LORICRIN: variants seen among roughly 807,000 people sequenced by gnomAD.
LORICRIN encodes loricrin cornified envelope precursor protein.
In LORICRIN, 5 loss-of-function variants were observed where a neutral mutation model predicts 3.3. That is an observed-to-expected ratio of 1.52 (90% CI 0.79 to 3.19). The LOEUF (loss-of-function observed/expected upper bound fraction) is 3.19, where lower values mean the gene tolerates loss of function less well. LORICRIN is among the 30% of genes most tolerant of loss of function. LORICRIN has a pLI of 0.00. For missense variants in LORICRIN, 524 were observed against 460.2 expected (o/e 1.14, Z -1.27); for synonymous variants, 237 against 231.4 (o/e 1.02, Z -0.22).
rs888685157 is a variant in LORICRIN, at chr1:153,261,573, C to T, written c.624C>T (p.Tyr208=). ...CCTCTGGCGGCAGCGGCTCCGGCTA[C>T]GTCTCCTCGCAGCAGGTCACTCAGA... ...GGSSGGSGSG[Y]VSSQQVTQTS... Residue 208 remains tyrosine, a synonymous_variant, in exon 2 of 2, where the codon TAC becomes TAT. Coordinates refer to ENST00000368742, the MANE Select transcript of LORICRIN (RefSeq NM_000427.3). The T allele has an allele frequency of 6.6e-6, 10 of 1,520,278 alleles. No homozygotes were observed. The highest frequency in any genetic ancestry group is 1.2e-5 in the South Asian group (1 of 82,728). 94.2% of individuals were successfully genotyped at this position (1,520,278 alleles called of 1,614,324 possible).
Position 153,261,267 on chromosome 1 carries a change from C to G in LORICRIN, c.318C>G (p.Ser106Arg), listed in dbSNP as rs1030423431. Reference protein sequence around the residue: ...SSGGGSGCFSSGGGGSGCFSS... With the variant: ...SSGGGSGCFSRGGGGSGCFSS... ...GCGGGGGCTCTGGCTGTTTCTCCAG[C>G]GGTGGGGGCGGCTCCGGCTGCTTCT... Residue 106 changes from serine to arginine, a missense_variant, in exon 2 of 2, where the codon AGC (serine) becomes AGG (arginine). Ser to Arg is a moderately radical substitution (Grantham distance 110, BLOSUM62 -1). Transcript: ENST00000368742. 3.5e-6 allele frequency: 5 copies of G among 1,418,032 alleles called. No homozygotes were observed. In the African/African-American group the frequency reaches 7.6e-5, roughly 22 times the overall value. The allele number at this position is 1,418,032 out of a possible 1,614,324, so 87.8% of individuals were successfully genotyped here.
rs769843541 is a variant in LORICRIN at position 153,261,568 on chromosome 1, G to A, written c.619G>A (p.Gly207Ser). 1.1e-5 allele frequency: 17 copies of A among 1,516,804 alleles called. No individual in the cohort carries two copies. In the South Asian group the frequency reaches 1.2e-4, roughly 11 times the overall value. The allele number at this position is 1,516,804 out of a possible 1,614,324, so 94.0% of individuals were successfully genotyped here. A position where few individuals can be genotyped will look rare whatever the true frequency, so the allele number is the denominator to read the frequency against. ...AGGCTCCTCTGGCGGCAGCGGCTCC[G>A]GCTACGTCTCCTCGCAGCAGGTCAC... ...GGGSSGGSGS[G>S]YVSSQQVTQT... The change falls in exon 2 of 2, where the codon GGC becomes AGC. Residue 207 changes from glycine (G) to serine (S), a missense_variant. Physicochemically the swap from Gly to Ser is moderately conservative, Grantham distance 56. Transcript: ENST00000368742.
intron 1 of LORICRIN, 64 bp from the exon 2 acceptor site, chr1:153,260,863 T>C: frequency 2.5e-6 from 3 of 1,197,570 alleles, no homozygotes; most frequent in Non-Finnish European, 3.6e-6. Flanking sequence ...TGCCTATGGA[T>C]GCAGCTGCCT....
Position 153,261,666 on chromosome 1 carries a change from C to A in LORICRIN, c.717C>A (p.Gly239=), listed in dbSNP as rs1557795977. 1 of 1,521,110 alleles carries A rather than the reference C, an allele frequency of 6.6e-7. No individual in the cohort carries two copies. The highest frequency in any genetic ancestry group is 8.7e-7 in the Non-Finnish European group (1 of 1,143,508). 94.2% of individuals were successfully genotyped at this position (1,521,110 alleles called of 1,614,324 possible). The change falls in exon 2 of 2, where the codon GGC becomes GGA. Residue 239 remains glycine (G), a synonymous_variant. Coordinates refer to ENST00000368742, the MANE Select transcript of LORICRIN (RefSeq NM_000427.3). ...SSGGGGSGGS[G]CFSSGGGGGS... The stretch of plus-strand genomic sequence containing the variant: ...GCGGCGGCGGCAGCGGCGGAAGCGG[C>A]TGCTTCTCCAGCGGCGGGGGCGGCG...
chr1:153,261,605 G>C lies in LORICRIN; in HGVS notation c.656G>C (p.Cys219Ser). The part of the protein sequence containing the change: ...VSSQQVTQTS[C>S]APQPSYGGGS... ...TCGCAGCAGGTCACTCAGACCTCGT[G>C]CGCGCCCCAGCCGAGTTACGGAGGG... Residue 219 changes from cysteine to serine, a missense_variant, in exon 2 of 2, where the codon TGC becomes TCC. Cys to Ser is a moderately radical substitution (Grantham distance 112, BLOSUM62 -1). Transcript: ENST00000368742. 5 of 1,519,272 alleles carry C rather than the reference G, an allele frequency of 3.3e-6. No homozygotes were observed. Among genetic ancestry groups the C allele is most frequent in the Non-Finnish European group, 4.4e-6 (5 of 1,141,710 alleles). The allele number at this position is 1,519,272 out of a possible 1,614,324, so 94.1% of individuals were successfully genotyped here.
At position 153,261,324 on chromosome 1, in the gene LORICRIN, C is replaced by T. The variant is rs1451770715; in HGVS notation, c.375C>T (p.Gly125=). ...GTGGCGGCGGCTCCTCCGGGGGCGG[C>T]TCCGGCTGCTTCTCCAGCGGTGGGG... ...SSGGGGSSGG[G]SGCFSSGGGG... Residue 125 remains glycine (G), a synonymous_variant, in exon 2 of 2, where the codon GGC becomes GGT. Coordinates refer to ENST00000368742, the MANE Select transcript of LORICRIN (RefSeq NM_000427.3). The T allele has an allele frequency of 5.4e-6, 8 of 1,468,640 alleles. No homozygotes were observed. The highest frequency in any genetic ancestry group is 7.2e-6 in the Non-Finnish European group (8 of 1,118,456). 91.0% of individuals were successfully genotyped at this position (1,468,640 alleles called of 1,614,324 possible). A position where few individuals can be genotyped will look rare whatever the true frequency, so the allele number is the denominator to read the frequency against.
At position 153,261,459 on chromosome 1, in the gene LORICRIN, C is replaced by T. The variant is rs111660507; in HGVS notation, c.510C>T (p.Ser170=). 2 of 1,506,498 alleles carry T rather than the reference C, an allele frequency of 1.3e-6. No individual in the cohort carries two copies. Among genetic ancestry groups the T allele is most frequent in the East Asian group, 2.6e-5 (1 of 37,990 alleles). The allele number at this position is 1,506,498 out of a possible 1,614,324, so 93.3% of individuals were successfully genotyped here. A position where few individuals can be genotyped will look rare whatever the true frequency, so the allele number is the denominator to read the frequency against. Residue 170 remains serine (S), a synonymous_variant, in exon 2 of 2, where the codon TCC becomes TCT. Coordinates refer to ENST00000368742, the MANE Select transcript of LORICRIN (RefSeq NM_000427.3). The stretch of plus-strand genomic sequence containing the variant: ...GAGGCGTCTCTAGCGGCGGCTCCTC[C>T]GGGGGCGGCTCCGGCTGCTTCTCCA... ...SYGGVSSGGS[S]GGGSGCFSSG...
intron 1 of LORICRIN, 131 bp from the exon 2 acceptor site, chr1:153,260,796 G>A: frequency 1.7e-6 from 1 of 580,968 alleles, no homozygotes; most frequent in Non-Finnish European, 3.0e-6. Flanking sequence ...GCAATCATAA[G>A]AAACCCCGCT....
rs73012562 is a variant in LORICRIN, at chr1:153,260,138, G to A, written c.-24+405G>A. Among the ~76,000 whole-genome samples the A allele has an allele frequency of 7.5e-3, 1,135 of 152,296 alleles. 15 individuals carry two copies. Among genetic ancestry groups the A allele is most frequent in the African/African-American group, 0.025 (1,044 of 41,564 alleles). On this transcript the variant is annotated intron_variant, in intron 1 of 1. Transcript: ENST00000368742. ...GGGAGAATGATCCAAAAAAGTTGCA[G>A]ATGGGAGGGATTTCAGGTGCCACAG...
At chr1:153,259,863 T>C (rs1440504720) in intron 1 of LORICRIN, 130 bp downstream of exon 1, 1 of 152,344 alleles carries the variant, frequency 6.6e-6, no homozygotes, top group Non-Finnish European at 1.5e-5. Flanking sequence ...AGCACTCACA[T>C]TTAGAGGGCG....
rs1658768998 is a variant in LORICRIN at position 153,261,153 on chromosome 1, C to T, written c.204C>T (p.Ser68=). Residue 68 remains serine (S), a synonymous_variant, in exon 2 of 2, where the codon TCC becomes TCT. Coordinates refer to ENST00000368742, the MANE Select transcript of LORICRIN (RefSeq NM_000427.3). The part of the protein sequence containing the change: ...GYSGGGCGGG[S]SGGGGGGGIG... Reference sequence around the variant, plus strand: ...CTGGCGGCGGCTGCGGCGGGGGCTCCTCCGGCGGCGGGGGCGGGGGCGGCA... The same window carrying T: ...CTGGCGGCGGCTGCGGCGGGGGCTCTTCCGGCGGCGGGGGCGGGGGCGGCA... 1 of 1,345,748 alleles carries T rather than the reference C, an allele frequency of 7.4e-7. No homozygotes were observed. The allele number at this position is 1,345,748 out of a possible 1,614,324, so 83.4% of individuals were successfully genotyped here. A position where few individuals can be genotyped will look rare whatever the true frequency, so the allele number is the denominator to read the frequency against.
chr1:153,261,934 A>G lies in LORICRIN; in HGVS notation c.*46A>G. ...GGCGAAGGAGTTGGAGGTGTTTTCC[A>G]GGGGCACCGATGGGCTTAGAGCTCT... On this transcript the variant is annotated 3_prime_UTR_variant, in exon 2 of 2. Coordinates refer to ENST00000368742, the MANE Select transcript of LORICRIN (RefSeq NM_000427.3). 1.3e-6 allele frequency: 2 copies of G among 1,575,788 alleles called. No individual in the cohort carries two copies. Among genetic ancestry groups the G allele is most frequent in the Non-Finnish European group, 1.7e-6 (2 of 1,154,930 alleles).
chr1:153,260,907 G>A lies in LORICRIN; in HGVS notation c.-23-20G>A, dbSNP rs1658750557. The A allele has an allele frequency of 6.6e-7, 1 of 1,510,338 alleles. No homozygotes were observed. Among genetic ancestry groups the A allele is most frequent in the Non-Finnish European group, 9.1e-7 (1 of 1,103,400 alleles). The allele number at this position is 1,510,338 out of a possible 1,614,324, so 93.6% of individuals were successfully genotyped here. A position where few individuals can be genotyped will look rare whatever the true frequency, so the allele number is the denominator to read the frequency against. ...ATCCTCTTGCAGCTGGTCCAGCGAT[G>A]CTCTCTTCTCCCCTTCCAGGCTCTC... On this transcript the variant is annotated intron_variant, in intron 1 of 1. Transcript: ENST00000368742.
rs1557795959 is a variant in LORICRIN, at chr1:153,261,650, G to A, written c.701G>A (p.Gly234Asp). Residue 234 changes from glycine to aspartate, a missense_variant, in exon 2 of 2, where the codon GGC (glycine) becomes GAC (aspartate). Physicochemically the swap from Gly to Asp is moderately conservative, Grantham distance 94 (BLOSUM62 -1). Coordinates refer to ENST00000368742, the MANE Select transcript of LORICRIN (RefSeq NM_000427.3). ...GGAGGGGGGTCGTCCGGCGGCGGCGGCAGCGGCGGAAGCGGCTGCTTCTCC... is the reference window on the plus strand; with the variant it reads ...GGAGGGGGGTCGTCCGGCGGCGGCGACAGCGGCGGAAGCGGCTGCTTCTCC... ...SYGGGSSGGG[G>D]SGGSGCFSSG... is the part of the protein sequence containing the mutation. 6.6e-7 allele frequency: 1 copy of A among 1,511,032 alleles called. No homozygotes were observed. 93.6% of individuals were successfully genotyped at this position (1,511,032 alleles called of 1,614,324 possible). A position where few individuals can be genotyped will look rare whatever the true frequency, so the allele number is the denominator to read the frequency against.
Position 153,262,050 on chromosome 1 carries a change from T to TA in LORICRIN, c.*162_*163insA, listed in dbSNP as rs1658822486. 1.2e-6 allele frequency: 1 copy of TA among 809,934 alleles called. No homozygotes were observed. The highest frequency in any genetic ancestry group is 1.6e-5 in the South Asian group (1 of 62,820). The allele number at this position is 809,934 out of a possible 1,614,324, so 50.2% of individuals were successfully genotyped here. A position where few individuals can be genotyped will look rare whatever the true frequency, so the allele number is the denominator to read the frequency against. On this transcript the variant is annotated 3_prime_UTR_variant, in exon 2 of 2. Transcript: ENST00000368742. Reference sequence around the variant, plus strand: ...CTCCGGCTGCATCTAGTTCTGCTGTTTAGCCTCTTTGGTTTCTGTACAACT... The same window carrying TA: ...CTCCGGCTGCATCTAGTTCTGCTGTTATAGCCTCTTTGGTTTCTGTACAACT...
In LORICRIN at chr1:153,262,029, G is replaced by A. The variant is rs1400561033; in HGVS notation, c.*141G>A. 27 of 911,064 alleles carry A rather than the reference G, an allele frequency of 3.0e-5. No individual in the cohort carries two copies. The highest frequency in any genetic ancestry group is 4.8e-5 in the Non-Finnish European group (27 of 566,402). The allele number at this position is 911,064 out of a possible 1,614,324, so 56.4% of individuals were successfully genotyped here. On this transcript the variant is annotated 3_prime_UTR_variant, in exon 2 of 2. Transcript: ENST00000368742. ...CCTGGAAGAAGCCATTGAGCTCTCCGGCTGCATCTAGTTCTGCTGTTTAGC... is the reference window on the plus strand; with the variant it reads ...CCTGGAAGAAGCCATTGAGCTCTCCAGCTGCATCTAGTTCTGCTGTTTAGC...
Position 153,261,791 on chromosome 1 carries a change from G to A in LORICRIN, c.842G>A (p.Gly281Asp). Residue 281 changes from glycine to aspartate, a missense_variant, in exon 2 of 2, where the codon GGC (glycine) becomes GAC (aspartate). Gly to Asp is a moderately conservative substitution (Grantham distance 94). Transcript: ENST00000368742. The part of the protein sequence containing the change: ...VCGGGSSGGG[G>D]GGSSVGGSGS... ...GGAGGTGGTTCCTCTGGAGGCGGCGGCGGCGGCTCCTCCGTGGGTGGCTCC... is the reference window on the plus strand; with the variant it reads ...GGAGGTGGTTCCTCTGGAGGCGGCGACGGCGGCTCCTCCGTGGGTGGCTCC... The A allele has an allele frequency of 6.2e-7, 1 of 1,606,648 alleles. No homozygotes were observed.
chr1:153,259,690 T>C lies in LORICRIN; in HGVS notation c.-67T>C, dbSNP rs557198303. The C allele has an allele frequency of 6.6e-6, 1 of 152,288 alleles. No individual in the cohort carries two copies. Among genetic ancestry groups the C allele is most frequent in the Non-Finnish European group, 1.5e-5 (1 of 68,118 alleles). 9.4% of individuals were successfully genotyped at this position (152,288 alleles called of 1,614,324 possible). A position where few individuals can be genotyped will look rare whatever the true frequency, so the allele number is the denominator to read the frequency against. ...CCTCAGGAGATCAGTGCTCCTCACA[T>C]TGCCAGCATCTTCTCTCCTCACTCA... On this transcript the variant is annotated 5_prime_UTR_variant, in exon 1 of 2. Coordinates refer to ENST00000368742, the MANE Select transcript of LORICRIN (RefSeq NM_000427.3).
At position 153,261,468 on chromosome 1, in the gene LORICRIN, C is replaced by T. The variant is rs1249361866; in HGVS notation, c.519C>T (p.Gly173=). 11 of 1,498,360 alleles carry T rather than the reference C, an allele frequency of 7.3e-6. No individual in the cohort carries two copies. The Admixed American group carries it at 2.3e-4, about 31-fold the overall frequency. The allele number at this position is 1,498,360 out of a possible 1,614,324, so 92.8% of individuals were successfully genotyped here. A position where few individuals can be genotyped will look rare whatever the true frequency, so the allele number is the denominator to read the frequency against. ...GVSSGGSSGG[G]SGCFSSGGGG... Reference sequence around the variant, plus strand: ...CTAGCGGCGGCTCCTCCGGGGGCGGCTCCGGCTGCTTCTCCAGCGGCGGGG... The same window carrying T: ...CTAGCGGCGGCTCCTCCGGGGGCGGTTCCGGCTGCTTCTCCAGCGGCGGGG... Residue 173 remains glycine, a synonymous_variant, in exon 2 of 2, where the codon GGC becomes GGT. Coordinates refer to ENST00000368742, the MANE Select transcript of LORICRIN (RefSeq NM_000427.3).
Sources: gnomAD v4.1 joint callset for allele counts (sites outside exome capture counted in the v4.1 genomes callset) on GRCh38, gnomAD v4.1.1 for gene constraint, MANE v1.5 for transcripts, NCBI Gene and HGNC (gene_info 2026-07-23, HGNC 2026-07-21) for gene names.